The following SORCS1 variants were observed in gnomAD, a reference collection of about 807,000 sequenced individuals.
The protein encoded by SORCS1 is sortilin related VPS10 domain containing receptor 1.
A neutral mutation model predicts 146.1 loss-of-function variants in SORCS1; 60 were observed. The observed-to-expected ratio is 0.41, with a 90% CI of 0.33 to 0.51. The LOEUF (loss-of-function observed/expected upper bound fraction) is 0.51. SORCS1 is among the 20% of genes least tolerant of loss of function. The pLI is 0.21. For missense variants in SORCS1, 1,352 were observed against 1,487.6 expected, an observed-to-expected ratio of 0.91 and a Z score of 1.50; for synonymous variants, 637 against 584.0, an observed-to-expected ratio of 1.09 and a Z score of -1.31.
At chr10:106,667,635 G>A (rs574454389) in intron 17 of SORCS1, 54 bp downstream of exon 17, 11 of 1,176,754 alleles carry the variant, frequency 9.3e-6, no homozygotes, top group Non-Finnish European at 1.3e-5. Flanking sequence ...AGTATAACAC[G>A]TGCTGAAAGG....
intron 1 of SORCS1, among the ~76,000 whole-genome samples, chr10:106,991,782 G>C (rs1441895105): frequency 6.6e-6 from 1 of 152,172 alleles, no homozygotes; most frequent in Non-Finnish European, 1.5e-5. Context: ...AGACAGACAA[G>C]GAAAGAGGAG....
At chr10:106,938,812 C>T (rs1212450995) in intron 2 of SORCS1, among the ~76,000 whole-genome samples, 2 of 152,214 alleles carry the variant, frequency 1.3e-5, no homozygotes, top group Non-Finnish European at 2.9e-5. Context: ...AAAATGGGAA[C>T]TCAGAGGCCA....
At chr10:106,720,641 C>T (rs11193022) in intron 6 of SORCS1, among the ~76,000 whole-genome samples, 5,645 of 151,568 alleles carry the variant, frequency 0.037, 312 homozygotes, top group African/African-American at 0.12. Context: ...GATTACCACA[C>T]CTGCATGTTA....
chr10:106,895,084 C>T (rs981856237), intron 2 of SORCS1, among the ~76,000 whole-genome samples: 1 of 152,202 alleles, frequency 6.6e-6, no homozygotes, highest in Admixed American at 6.5e-5. Context: ...ACTCACCCTA[C>T]TTCATCTGTC....
chr10:106,982,276 ATAT>A (rs1956274168), intron 1 of SORCS1, among the ~76,000 whole-genome samples: 1 of 152,216 alleles, frequency 6.6e-6, no homozygotes, highest in Non-Finnish European at 1.5e-5. Flanking sequence ...TGTAAGGATA[ATAT>A]TAATTTGTAT....
intron 5 of SORCS1, among the ~76,000 whole-genome samples, chr10:106,735,681 T>G (rs1349614459): frequency 6.6e-6 from 1 of 152,174 alleles, no homozygotes; most frequent in East Asian, 1.9e-4. Flanking sequence ...ATCCAGTGTT[T>G]CCAAAGTAGA....
At chr10:107,118,642 A>T (rs1322661412) in intron 1 of SORCS1, among the ~76,000 whole-genome samples, 2 of 152,222 alleles carry the variant, frequency 1.3e-5, no homozygotes, top group Non-Finnish European at 1.5e-5. Flanking sequence ...AGATGAATTG[A>T]TATCTAGGTA....
chr10:106,782,047 T>C (rs1015978568), intron 3 of SORCS1, among the ~76,000 whole-genome samples: 15 of 152,332 alleles, frequency 9.8e-5, no homozygotes, highest in African/African-American at 3.6e-4. Flanking sequence ...CTTACCTATG[T>C]GCCATCTTTG....
chr10:106,627,187 C>T (rs146628257), intron 19 of SORCS1, among the ~76,000 whole-genome samples: 1 of 152,160 alleles, frequency 6.6e-6, no homozygotes, highest in East Asian at 1.9e-4. Flanking sequence ...TATGATCACA[C>T]ACACAGGAAT....
At chr10:106,798,201 G>C (rs939199062) in intron 3 of SORCS1, among the ~76,000 whole-genome samples, 2 of 152,164 alleles carry the variant, frequency 1.3e-5, no homozygotes, top group Non-Finnish European at 2.9e-5. Context: ...TGGGAGAAAT[G>C]CCTTTCACCT....
At position 106,667,674 on chromosome 10, in the gene SORCS1, A is replaced by G. The variant is rs1851267591; in HGVS notation, c.2303+15T>C. On this transcript the variant is annotated intron_variant, in intron 17 of 25. Coordinates refer to ENST00000263054, the MANE Select transcript of SORCS1 (RefSeq NM_052918.5). ...CAAAGGTTGGCCTCTCAAGGTCACTACTCCAGACACTTACCCAGTACTATT... is the reference window on the plus strand; with the variant it reads ...CAAAGGTTGGCCTCTCAAGGTCACTGCTCCAGACACTTACCCAGTACTATT... The G allele has an allele frequency of 1.3e-6, 2 of 1,599,236 alleles. No individual in the cohort carries two copies. Among genetic ancestry groups the G allele is most frequent in the Non-Finnish European group, 1.7e-6 (2 of 1,167,324 alleles).
intron 4 of SORCS1, among the ~76,000 whole-genome samples, chr10:106,761,892 C>T (rs1436774082): frequency 2.0e-5 from 3 of 152,124 alleles, no homozygotes; most frequent in African/African-American, 7.2e-5. Context: ...AAGGATTAAC[C>T]GACTTGTGAG....
chr10:106,783,977 C>G (rs1297478359), intron 3 of SORCS1, among the ~76,000 whole-genome samples: 1 of 151,994 alleles, frequency 6.6e-6, no homozygotes, highest in Non-Finnish European at 1.5e-5. Flanking sequence ...CCATGCTTAA[C>G]TGTCATTTAA....
intron 1 of SORCS1, among the ~76,000 whole-genome samples, chr10:106,976,213 T>C (rs1454312834): frequency 7.1e-6 from 1 of 140,994 alleles, no homozygotes; most frequent in Non-Finnish European, 1.5e-5. Context: ...CTTCATCTGT[T>C]TTTTTTTTTT....
chr10:106,951,325 C>T (rs559658201), intron 2 of SORCS1, among the ~76,000 whole-genome samples: 1 of 152,104 alleles, frequency 6.6e-6, no homozygotes, highest in African/African-American at 2.4e-5. Context: ...TCCTGGCTAA[C>T]ATGGTGAAAC....
rs547936423 is a variant in SORCS1 at position 106,725,729 on chromosome 10, G to A, written c.1024+4321C>T. ...GCGGATCACTTGAGGTCAGGAGTTCGAGAGCAGCCTAGCCAACACGGCAAA... is the reference window on the plus strand; with the variant it reads ...GCGGATCACTTGAGGTCAGGAGTTCAAGAGCAGCCTAGCCAACACGGCAAA... On this transcript the variant is annotated intron_variant, in intron 6 of 25. Transcript: ENST00000263054. Among the ~76,000 whole-genome samples, 5 of 151,834 alleles carry A rather than the reference G, an allele frequency of 3.3e-5. No individual in the cohort carries two copies. In the South Asian group the frequency reaches 6.3e-4, roughly 19 times the overall value.
At chr10:106,840,276 A>G (rs1948967853) in intron 2 of SORCS1, among the ~76,000 whole-genome samples, 1 of 152,224 alleles carries the variant, frequency 6.6e-6, no homozygotes, top group Admixed American at 6.5e-5. Flanking sequence ...ACCAACATTC[A>G]TAGGAAGTTG....
At position 107,058,979 on chromosome 10, in the gene SORCS1, T is replaced by C. The variant is rs56198121; in HGVS notation, c.559-102399A>G. ...ACCAACTAAAAAAGCACATTGCTAATAGCGCTGCACCGGGTTTTTATCACG... is the reference window on the plus strand; with the variant it reads ...ACCAACTAAAAAAGCACATTGCTAACAGCGCTGCACCGGGTTTTTATCACG... On this transcript the variant is annotated intron_variant, in intron 1 of 25. Coordinates refer to ENST00000263054, the MANE Select transcript of SORCS1 (RefSeq NM_052918.5). Among the ~76,000 whole-genome samples, 936 of 152,294 alleles carry C rather than the reference T, an allele frequency of 6.1e-3. 6 individuals carry two copies. The highest frequency in any genetic ancestry group is 0.01 in the Non-Finnish European group (712 of 67,998).
At chr10:106,865,396 C>A (rs1207412966) in intron 2 of SORCS1, among the ~76,000 whole-genome samples, 1 of 152,146 alleles carries the variant, frequency 6.6e-6, no homozygotes, top group African/African-American at 2.4e-5. Flanking sequence ...CTGGAGCGGA[C>A]CCCCAACATA....
Sources: gnomAD v4.1 joint callset for allele counts (sites outside exome capture counted in the v4.1 genomes callset) on GRCh38, gnomAD v4.1.1 for gene constraint, MANE v1.5 for transcripts, NCBI Gene and HGNC (gene_info 2026-07-23, HGNC 2026-07-21) for gene names.